The following TCAIM variants were observed in gnomAD, a reference collection of about 807,000 sequenced individuals.
TCAIM encodes the protein T cell activation inhibitor, mitochondrial.
TCAIM carries 36 observed loss-of-function variants against 58.6 expected under a neutral mutation model. The observed-to-expected ratio is 0.61, with a 90% CI of 0.47 to 0.81. The LOEUF (loss-of-function observed/expected upper bound fraction) is 0.81, where lower values mean the gene tolerates loss of function less well. Among genes scored for constraint, TCAIM ranks in the 30% least tolerant of loss-of-function variants. The pLI, the probability that TCAIM is intolerant of heterozygous loss-of-function variation, is 0.00. For synonymous variants in TCAIM, 172 were observed against 193.6 expected (o/e 0.89, Z 0.93); for missense variants, 466 against 579.6 (o/e 0.80, Z 2.01).
chr3:44,376,666 A>G (rs2125643070), intron 5 of TCAIM, among the ~76,000 whole-genome samples: 1 of 152,360 alleles, frequency 6.6e-6, no homozygotes, highest in East Asian at 1.9e-4. Context: ...AATAAGGGAC[A>G]AAAAAGCGGT....
intron 5 of TCAIM, among the ~76,000 whole-genome samples, chr3:44,372,249 A>G (rs1231624485): frequency 1.3e-5 from 2 of 152,100 alleles, no homozygotes; most frequent in Non-Finnish European, 2.9e-5. Context: ...TGATTTTTTT[A>G]TATCTGTAAT....
chr3:44,350,880 G>T (rs916507528), intron 1 of TCAIM, among the ~76,000 whole-genome samples: 2 of 152,062 alleles, frequency 1.3e-5, no homozygotes, highest in Non-Finnish European at 2.9e-5. Context: ...TTGGGGTCTG[G>T]TACTTGTGCT....
At chr3:44,395,952 A>G (rs1701926615) in intron 6 of TCAIM, among the ~76,000 whole-genome samples, 1 of 152,180 alleles carries the variant, frequency 6.6e-6, no homozygotes, top group Non-Finnish European at 1.5e-5. Flanking sequence ...ACACCACTGC[A>G]CTCCCGCCTG....
chr3:44,394,350 G>T (rs1049999627), intron 6 of TCAIM, among the ~76,000 whole-genome samples: 6 of 151,888 alleles, frequency 4.0e-5, no homozygotes, highest in Non-Finnish European at 5.9e-5. Context: ...TATTATAGGG[G>T]TTTCTTCCCA....
intron 9 of TCAIM, chr3:44,400,876 C>A (rs1185987367): frequency 4.1e-6 from 2 of 489,982 alleles, no homozygotes; most frequent in Non-Finnish European, 7.3e-6. Flanking sequence ...AATCAGTAGC[C>A]AACATTTGTG....
At chr3:44,407,085 G>T (rs1286869124) in intron 10 of TCAIM, among the ~76,000 whole-genome samples, 1 of 152,112 alleles carries the variant, frequency 6.6e-6, no homozygotes, top group Non-Finnish European at 1.5e-5. Context: ...ACTTTAGGTG[G>T]GTCCTAAAAC....
At chr3:44,393,176 G>C (rs1408858462) in intron 6 of TCAIM, among the ~76,000 whole-genome samples, 199 bp downstream of exon 6, 1 of 152,122 alleles carries the variant, frequency 6.6e-6, no homozygotes, top group African/African-American at 2.4e-5. Context: ...ACTGAAATAA[G>C]GCTGTGCACA....
intron 5 of TCAIM, among the ~76,000 whole-genome samples, chr3:44,386,420 C>G (rs539142158): frequency 2.0e-5 from 3 of 152,288 alleles, no homozygotes; most frequent in African/African-American, 7.2e-5. Context: ...CTCTACAGAG[C>G]TGGTGTGGGC....
chr3:44,354,924 G>A (rs748170247), intron 2 of TCAIM, 113 bp downstream of exon 2: 44 of 1,247,898 alleles, frequency 3.5e-5, no homozygotes, highest in Non-Finnish European at 4.7e-5. Context: ...ATATTATGGT[G>A]GAAAGCTGGA....
upstream of TCAIM, chr3:44,338,715 C>G (rs1416655931): frequency 6.6e-6 from 1 of 152,328 alleles, no homozygotes; most frequent in Non-Finnish European, 1.5e-5. Flanking sequence ...AGCTGACGCC[C>G]CAGTGCGCAT....
intron 6 of TCAIM, among the ~76,000 whole-genome samples, chr3:44,395,715 T>C (rs1053013142): frequency 1.3e-5 from 2 of 152,252 alleles, no homozygotes; most frequent in African/African-American, 4.8e-5. Context: ...TCAGGTACGG[T>C]GGCTCACGCC....
In TCAIM at chr3:44,355,845, T is replaced by A. The variant is rs180914315; in HGVS notation, c.29+1034T>A. On this transcript the variant is annotated intron_variant, in intron 2 of 10. Coordinates refer to ENST00000342649, the MANE Select transcript of TCAIM (RefSeq NM_173826.4). ...ATGACTCATACTCCTTTTTTAGATA[T>A]GTAAAATTTGAGCAGCTGGCAGGAG... 2.9e-3 allele frequency among the ~76,000 whole-genome samples: 448 copies of A among 152,306 alleles called. 1 individual carries two copies. Among genetic ancestry groups the A allele is most frequent in the Non-Finnish European group, 4.3e-3 (294 of 68,028 alleles).
At chr3:44,389,400 T>C (rs1701796609) in intron 5 of TCAIM, among the ~76,000 whole-genome samples, 2 of 152,230 alleles carry the variant, frequency 1.3e-5, no homozygotes, top group South Asian at 4.1e-4. Context: ...TTTTTATACA[T>C]TAAATGTAAG....
rs1575262505 is a variant in TCAIM at position 44,378,577 on chromosome 3, G to A, written c.572+10869G>A. ...TCACGCCTGTAATCCCAGTGCTTTG[G>A]GAGGCTAAGGCAGGCGAATCAAAGG... On this transcript the variant is annotated intron_variant, in intron 5 of 10. Transcript: ENST00000342649. Among the ~76,000 whole-genome samples, 9 of 152,120 alleles carry A rather than the reference G, an allele frequency of 5.9e-5. 2 individuals are homozygous for A. The highest frequency in any genetic ancestry group is 5.9e-4 in the Admixed American group (9 of 15,270).
chr3:44,349,931 G>A (rs573498185), intron 1 of TCAIM, among the ~76,000 whole-genome samples: 1 of 152,098 alleles, frequency 6.6e-6, no homozygotes, highest in Non-Finnish European at 1.5e-5. Flanking sequence ...CTGAGGACCC[G>A]AGGTCGTAGG....
chr3:44,397,446 G>A (rs1324450434), intron 8 of TCAIM, among the ~76,000 whole-genome samples: 2 of 152,180 alleles, frequency 1.3e-5, no homozygotes, highest in Non-Finnish European at 2.9e-5. Context: ...ATTCATCCAT[G>A]TGGTTGCATG....
chr3:44,394,532 G>T (rs1378745378), intron 6 of TCAIM, among the ~76,000 whole-genome samples: 1 of 151,962 alleles, frequency 6.6e-6, no homozygotes, highest in Non-Finnish European at 1.5e-5. Context: ...AACAAAAAAA[G>T]AAATAAACAT....
At chr3:44,396,293 CA>C in intron 6 of TCAIM, 106 bp from the exon 7 acceptor site, 2 of 867,868 alleles carry the variant, frequency 2.3e-6, no homozygotes, top group Non-Finnish European at 3.5e-6. Flanking sequence ...GTGTGTGCTT[CA>C]AAAAGAGACT....
intron 5 of TCAIM, among the ~76,000 whole-genome samples, chr3:44,390,121 T>G (rs1701811085): frequency 6.6e-6 from 1 of 152,244 alleles, no homozygotes; most frequent in Non-Finnish European, 1.5e-5. Flanking sequence ...GTGTCTTCCT[T>G]TAAAACAGGG....
Sources: gnomAD v4.1 joint callset for allele counts (sites outside exome capture counted in the v4.1 genomes callset) on GRCh38, gnomAD v4.1.1 for gene constraint, MANE v1.5 for transcripts, NCBI Gene and HGNC (gene_info 2026-07-23, HGNC 2026-07-21) for gene names.